The following ABCB5 variants were observed in gnomAD, a reference collection of about 807,000 sequenced individuals.
ABCB5 encodes the protein ATP-binding cassette sub-family B member 5.
In ABCB5, 155 loss-of-function variants were observed where a neutral mutation model predicts 144.2. The observed-to-expected ratio is 1.08, with a 90% CI of 0.94 to 1.23. The LOEUF (loss-of-function observed/expected upper bound fraction) is 1.23, where lower values mean the gene tolerates loss of function less well. Among genes scored for constraint, ABCB5 ranks in the 50% most tolerant of loss-of-function variants. The pLI is 0.00. For synonymous variants in ABCB5, 610 were observed against 528.6 expected, an observed-to-expected ratio of 1.15 and a Z score of -2.11; for missense variants, 1,830 against 1,520.8, an observed-to-expected ratio of 1.20 and a Z score of -3.38.
Position 20,699,937 on chromosome 7 carries a change from T to C in ABCB5, c.2259+8T>C. On this transcript the variant is annotated splice_region_variant and intron_variant, in intron 18 of 27. Coordinates refer to ENST00000404938, the MANE Select transcript of ABCB5 (RefSeq NM_001163941.2). ...GTCAGTTATTTCATGCAGGTAAGCT[T>C]TTAATAAACAAGCCTGAGCATGATT... The C allele has an allele frequency of 6.2e-7, 1 of 1,608,348 alleles. No individual in the cohort carries two copies. The highest frequency in any genetic ancestry group is 8.5e-7 in the Non-Finnish European group (1 of 1,175,934).
At chr7:20,681,475 T>C (rs1785825333) in intron 14 of ABCB5, 30 bp from the exon 15 acceptor site, 2 of 1,610,860 alleles carry the variant, frequency 1.2e-6, no homozygotes, top group East Asian at 4.5e-5. Context: ...TACTAATGTC[T>C]ATTTATTTTC....
chr7:20,679,039 G>A (rs4721933), intron 14 of ABCB5, among the ~76,000 whole-genome samples: 137,938 of 152,254 alleles, frequency 0.91, 62,664 homozygotes, highest in East Asian at 1. Flanking sequence ...TAAAACATAG[G>A]AAAACATCTG....
At chr7:20,651,747 T>A in intron 13 of ABCB5, 124 bp downstream of exon 13, 1 of 1,027,436 alleles carries the variant, frequency 9.7e-7, no homozygotes, top group Non-Finnish European at 1.4e-6. Context: ...TGGATTGTCC[T>A]AGAACAAGCT....
At chr7:20,739,832 T>TA (rs746821974) in intron 24 of ABCB5, among the ~76,000 whole-genome samples, 40 of 152,308 alleles carry the variant, frequency 2.6e-4, no homozygotes, top group Admixed American at 5.2e-4. Context: ...GTATACCTAT[T>TA]AAATTGATGC....
chr7:20,709,828 C>T (rs1022070541), intron 20 of ABCB5, among the ~76,000 whole-genome samples: 2 of 149,634 alleles, frequency 1.3e-5, no homozygotes, highest in East Asian at 2.0e-4. Flanking sequence ...CACCTGTAAT[C>T]GCAGCACTCT....
At chr7:20,687,407 G>GA (rs1786038676) in intron 16 of ABCB5, among the ~76,000 whole-genome samples, 1 of 152,124 alleles carries the variant, frequency 6.6e-6, no homozygotes, top group African/African-American at 2.4e-5. Flanking sequence ...TATAAAATGA[G>GA]AAAAAACAAT....
intron 24 of ABCB5, 37 bp from the exon 25 acceptor site, chr7:20,742,840 A>G (rs141406456): frequency 6.2e-7 from 1 of 1,604,914 alleles, no homozygotes; most frequent in African/African-American, 1.3e-5. Flanking sequence ...AACCTTCCCA[A>G]GTCATTCTTC....
At chr7:20,755,187 G>C (rs1783049311) in intron 27 of ABCB5, among the ~76,000 whole-genome samples, 1 of 152,194 alleles carries the variant, frequency 6.6e-6, no homozygotes, top group Admixed American at 6.5e-5. Flanking sequence ...GACCTCAGGT[G>C]ATCTGCCTGC....
intron 4 of ABCB5, among the ~76,000 whole-genome samples, chr7:20,631,687 GA>G (rs1487849108): frequency 6.6e-6 from 1 of 151,968 alleles, no homozygotes; most frequent in Non-Finnish European, 1.5e-5. Context: ...TTGGACTTCT[GA>G]AATCATTCCC....
rs2128016724 is a variant in ABCB5, at chr7:20,623,340, T to A, written c.53+2T>A. 6.5e-7 allele frequency: 1 copy of A among 1,548,214 alleles called. No homozygotes were observed. The highest frequency in any genetic ancestry group is 1.7e-4 in the Middle Eastern group (1 of 5,976). On this transcript the variant is annotated splice_donor_variant, in intron 2 of 27. Transcript: ENST00000404938. LOFTEE classifies it high-confidence loss of function. ...GCAAGAAAATTATCAGAGAAATGGG[T>A]AAGCTCTCACTAAGTTCTGTAAGTA... is the stretch of plus-strand genomic sequence containing the variant.
chr7:20,666,695 T>C, intron 14 of ABCB5: 1 of 1,557,912 alleles, frequency 6.4e-7, no homozygotes, highest in African/African-American at 1.4e-5. Context: ...GGCTTTTAGC[T>C]TTGTGTAATC....
chr7:20,652,478 G>C (rs887757772), intron 13 of ABCB5, among the ~76,000 whole-genome samples: 1 of 152,186 alleles, frequency 6.6e-6, no homozygotes, highest in African/African-American at 2.4e-5. Flanking sequence ...GCTGAGGCAG[G>C]AGAATCACTT....
At chr7:20,742,428 T>C (rs1167121936) in intron 24 of ABCB5, among the ~76,000 whole-genome samples, 3 of 152,156 alleles carry the variant, frequency 2.0e-5, no homozygotes, top group Admixed American at 2.0e-4. Context: ...CAAAACATAC[T>C]GTACCTTCAC....
intron 5 of ABCB5, among the ~76,000 whole-genome samples, chr7:20,642,316 G>A (rs1387229678): frequency 6.6e-6 from 1 of 152,212 alleles, no homozygotes; most frequent in African/African-American, 2.4e-5. Flanking sequence ...AGTCTCTCCT[G>A]GGAGAAATAT....
chr7:20,679,656 A>C (rs950053143), intron 14 of ABCB5, among the ~76,000 whole-genome samples: 5 of 152,198 alleles, frequency 3.3e-5, no homozygotes, highest in Admixed American at 6.5e-5. Flanking sequence ...TTCACAAGAG[A>C]GAATATCCAA....
chr7:20,731,742 T>C lies in ABCB5; in HGVS notation c.2867+3287T>C, dbSNP rs188561659. 1.6e-3 allele frequency among the ~76,000 whole-genome samples: 241 copies of C among 152,288 alleles called. 1 individual carries two copies. Among genetic ancestry groups the C allele is most frequent in the African/African-American group, 5.6e-3 (233 of 41,552 alleles). On this transcript the variant is annotated intron_variant, in intron 23 of 27. Coordinates refer to ENST00000404938, the MANE Select transcript of ABCB5 (RefSeq NM_001163941.2). ...CCACACAGTTGTCAGCCCAAAAATG[T>C]TGGAGTCATCCCTGTTGCTTCTCTT... is the stretch of plus-strand genomic sequence containing the variant.
intron 15 of ABCB5, among the ~76,000 whole-genome samples, chr7:20,683,633 C>T (rs1457646497): frequency 3.3e-5 from 5 of 152,014 alleles, no homozygotes; most frequent in African/African-American, 1.2e-4. Context: ...AAATTTTAAA[C>T]ACCTTATTTA....
chr7:20,739,124 A>G lies in ABCB5; in HGVS notation c.3009A>G (p.Gln1003=), dbSNP rs116546341. 949 of 1,604,676 alleles carry G rather than the reference A, an allele frequency of 5.9e-4. 2 individuals carry two copies. In the African/African-American group the frequency reaches 0.012, roughly 20 times the overall value. Residue 1003 remains glutamine, a synonymous_variant, in exon 24 of 28, where the codon CAA becomes CAG. Coordinates refer to ENST00000404938, the MANE Select transcript of ABCB5 (RefSeq NM_001163941.2). ...AACCAAATATAGACAGCCGCAGTCA[A>G]GAAGGGAAAAAGCCAGTAAGCACAA... The part of the protein sequence containing the change: ...EKKPNIDSRS[Q]EGKKPDTCEG...
Position 20,693,632 on chromosome 7 carries a change from C to A in ABCB5, c.2011-4775C>A, listed in dbSNP as rs145931273. ...AGAAAGAAACTTGTACCACTAAACA[C>A]CTATACTATCTAAAAATCTCAAATT... On this transcript the variant is annotated intron_variant, in intron 16 of 27. Coordinates refer to ENST00000404938, the MANE Select transcript of ABCB5 (RefSeq NM_001163941.2). Among the ~76,000 whole-genome samples the A allele has an allele frequency of 9.2e-5, 14 of 152,022 alleles. 1 individual carries two copies. The East Asian group carries it at 2.7e-3, about 29-fold the overall frequency.
Sources: allele counts gnomAD v4.1 joint callset (sites outside exome capture counted in the v4.1 genomes callset), GRCh38; gene constraint gnomAD v4.1.1; transcripts MANE v1.5; gene names NCBI Gene and HGNC (gene_info 2026-07-23, HGNC 2026-07-21).